SERGEF: variants seen among roughly 807,000 people sequenced by gnomAD.
SERGEF encodes the protein secretion regulating guanine nucleotide exchange factor.
SERGEF carries 51 observed loss-of-function variants against 50.0 expected under a neutral mutation model. That is an observed-to-expected ratio of 1.02 (90% CI 0.81 to 1.29). The LOEUF (loss-of-function observed/expected upper bound fraction) is 1.29. Ranked by LOEUF, SERGEF falls within the 50% of genes most tolerant of loss-of-function variation. The pLI is 0.00. For synonymous variants in SERGEF, 205 were observed against 212.4 expected (o/e 0.97, Z 0.30); for missense variants, 521 against 557.0 (o/e 0.94, Z 0.65).
At chr11:17,799,979 C>T (rs1324436452) in intron 10 of SERGEF, among the ~76,000 whole-genome samples, 1 of 152,158 alleles carries the variant, frequency 6.6e-6, no homozygotes, top group African/African-American at 2.4e-5. Context: ...GAAGACCAGG[C>T]AGTGGCTAAT....
chr11:17,944,284 T>C (rs998761765), intron 9 of SERGEF, among the ~76,000 whole-genome samples: 3 of 152,154 alleles, frequency 2.0e-5, no homozygotes, highest in African/African-American at 7.2e-5. Context: ...CCCATTATTC[T>C]AATATGTCAG....
intron 6 of SERGEF, among the ~76,000 whole-genome samples, chr11:17,993,629 G>A (rs1206435179): frequency 6.6e-6 from 1 of 152,180 alleles, no homozygotes; most frequent in Non-Finnish European, 1.5e-5. Flanking sequence ...CATGCAGATA[G>A]ACGCAGACTT....
chr11:17,910,345 C>T (rs546218313), intron 9 of SERGEF, among the ~76,000 whole-genome samples: 1 of 152,286 alleles, frequency 6.6e-6, no homozygotes, highest in East Asian at 1.9e-4. Flanking sequence ...AACTCTTGGG[C>T]TCAAGCAATC....
At chr11:17,899,452 C>T (rs1477177774) in intron 9 of SERGEF, among the ~76,000 whole-genome samples, 3 of 152,132 alleles carry the variant, frequency 2.0e-5, no homozygotes, top group African/African-American at 4.8e-5. Context: ...TTCTATTTTA[C>T]AGATAATAAA....
chr11:17,828,318 C>T (rs1261255020), intron 10 of SERGEF, among the ~76,000 whole-genome samples: 2 of 152,160 alleles, frequency 1.3e-5, no homozygotes, highest in Non-Finnish European at 2.9e-5. Context: ...GCTTGTAAGC[C>T]GGTACGCATT....
intron 4 of SERGEF, chr11:18,002,031 G>C: frequency 2.2e-6 from 1 of 456,202 alleles, no homozygotes; most frequent in Non-Finnish European, 4.4e-6. Flanking sequence ...GCTGAGCTTT[G>C]GCCTTCCTTC....
chr11:17,890,026 CAAA>C (rs59805347), intron 9 of SERGEF, among the ~76,000 whole-genome samples: 8 of 73,960 alleles, frequency 1.1e-4, no homozygotes, highest in Middle Eastern at 7.4e-3. Context: ...ACACTTCAAC[CAAA>C]AAAAAAAAAA....
At chr11:17,917,406 T>TA (rs998920606) in intron 9 of SERGEF, among the ~76,000 whole-genome samples, 4 of 152,088 alleles carry the variant, frequency 2.6e-5, no homozygotes, top group African/African-American at 9.7e-5. Flanking sequence ...TAGACTTCAA[T>TA]GACTCAGGGG....
At chr11:17,966,305 AAG>A (rs1356251624) in intron 8 of SERGEF, among the ~76,000 whole-genome samples, 1 of 152,190 alleles carries the variant, frequency 6.6e-6, no homozygotes, top group Non-Finnish European at 1.5e-5. Context: ...TGGAAAAGAG[AAG>A]AGAGGAAGCT....
chr11:17,824,161 C>T (rs1850138693), intron 10 of SERGEF, among the ~76,000 whole-genome samples: 1 of 152,204 alleles, frequency 6.6e-6, no homozygotes, highest in African/African-American at 2.4e-5. Flanking sequence ...ATTAGCCGGG[C>T]GTGGTGGCGG....
intron 10 of SERGEF, among the ~76,000 whole-genome samples, chr11:17,834,877 G>C (rs984661743): frequency 6.6e-6 from 1 of 151,982 alleles, no homozygotes; most frequent in Admixed American, 6.6e-5. Flanking sequence ...CTGGTATTTC[G>C]GTTCCCCTCG....
chr11:17,788,416 G>T lies in SERGEF; in HGVS notation c.1049-3C>A. ...GCCCCAAGAGTAACACACTCCACCT[G>T]TGAAGGAGAGGGAAGACTGCTGTAG... On this transcript the variant is annotated splice_region_variant and splice_polypyrimidine_tract_variant and intron_variant, in intron 10 of 10. Coordinates refer to ENST00000265965, the MANE Select transcript of SERGEF (RefSeq NM_012139.4). 1 of 1,596,910 alleles carries T rather than the reference G, an allele frequency of 6.3e-7. No individual in the cohort carries two copies. Among genetic ancestry groups the T allele is most frequent in the African/African-American group, 1.3e-5 (1 of 74,724 alleles).
intron 7 of SERGEF, 84 bp from the exon 8 acceptor site, chr11:17,988,839 T>C: frequency 2.9e-6 from 4 of 1,398,184 alleles, no homozygotes; most frequent in Non-Finnish European, 3.9e-6. Context: ...AAAAAATAAG[T>C]GGTTAAAAGA....
At chr11:17,851,966 T>C (rs1378896641) in intron 10 of SERGEF, among the ~76,000 whole-genome samples, 20 of 152,198 alleles carry the variant, frequency 1.3e-4, no homozygotes, top group Non-Finnish European at 1.5e-5. Context: ...CAAATGTCTA[T>C]TACTGAGTTC....
intron 9 of SERGEF, among the ~76,000 whole-genome samples, chr11:17,882,560 T>C (rs981692447): frequency 1.3e-5 from 2 of 152,188 alleles, no homozygotes; most frequent in Non-Finnish European, 2.9e-5. Flanking sequence ...TATCCCACTA[T>C]GATGTCTGAT....
At chr11:17,921,902 T>C (rs1163942693) in intron 9 of SERGEF, among the ~76,000 whole-genome samples, 5 of 152,196 alleles carry the variant, frequency 3.3e-5, no homozygotes, top group Admixed American at 3.3e-4. Context: ...CCTCTTTTTT[T>C]GTTAAAGTGA....
At chr11:17,959,691 G>C in intron 8 of SERGEF, 55 bp from the exon 9 acceptor site, 1 of 1,436,802 alleles carries the variant, frequency 7.0e-7, no homozygotes, top group Non-Finnish European at 9.5e-7. Context: ...TGCTCTCATG[G>C]GTAGGCAATG....
At position 17,861,619 on chromosome 11, in the gene SERGEF, T is replaced by C. The variant is rs182554282; in HGVS notation, c.1048+16589A>G. Among the ~76,000 whole-genome samples, 305 of 152,350 alleles carry C rather than the reference T, an allele frequency of 2.0e-3. 1 individual carries two copies. The highest frequency in any genetic ancestry group is 7.2e-3 in the African/African-American group (298 of 41,580). Reference sequence around the variant, plus strand: ...TACACTATGAAGCAGTGAGCACACATGAGGACCTACTGACACATGCATGCG... The same window carrying C: ...TACACTATGAAGCAGTGAGCACACACGAGGACCTACTGACACATGCATGCG... On this transcript the variant is annotated intron_variant, in intron 10 of 10. Transcript: ENST00000265965.
chr11:17,846,075 G>A (rs1299760050), intron 10 of SERGEF, among the ~76,000 whole-genome samples: 1 of 152,190 alleles, frequency 6.6e-6, no homozygotes, highest in Non-Finnish European at 1.5e-5. Flanking sequence ...GCCACAGACT[G>A]CTTCTGGCCC....
Sources: allele counts gnomAD v4.1 joint callset (sites outside exome capture counted in the v4.1 genomes callset), GRCh38; gene constraint gnomAD v4.1.1; transcripts MANE v1.5; gene names NCBI Gene and HGNC (gene_info 2026-07-23, HGNC 2026-07-21).